PTPRG: variants seen among roughly 807,000 people sequenced by gnomAD.
PTPRG encodes receptor-type tyrosine-protein phosphatase gamma.
A neutral mutation model predicts 165.3 loss-of-function variants in PTPRG; 102 were observed. The observed-to-expected ratio is 0.62, with a 90% CI of 0.53 to 0.73. PTPRG has a LOEUF of 0.73. PTPRG is among the 30% of genes least tolerant of loss of function. The probability of loss-of-function intolerance (pLI) is 0.00; values close to 1 mark genes in which losing one functional copy is unlikely to be tolerated. For synonymous variants in PTPRG, 675 were observed against 669.5 expected, an observed-to-expected ratio of 1.01 and a Z score of -0.13; for missense variants, 1,866 against 1,861.4, an observed-to-expected ratio of 1.00 and a Z score of -0.05.
intron 2 of PTPRG, among the ~76,000 whole-genome samples, chr3:61,895,850 A>G (rs908968938): frequency 6.6e-6 from 1 of 152,192 alleles, no homozygotes; most frequent in Non-Finnish European, 1.5e-5. Flanking sequence ...TCTTCTGGCT[A>G]TCAACCTGCA....
chr3:61,728,253 T>A (rs1163505627), intron 1 of PTPRG, among the ~76,000 whole-genome samples: 1 of 152,210 alleles, frequency 6.6e-6, no homozygotes, highest in Non-Finnish European at 1.5e-5. Context: ...TGGTGCTTAC[T>A]TTAAAAGGAT....
chr3:61,949,321 A>T (rs2107620402), intron 2 of PTPRG, among the ~76,000 whole-genome samples: 1 of 152,354 alleles, frequency 6.6e-6, no homozygotes, highest in Middle Eastern at 3.4e-3. Flanking sequence ...TGAGGATTAA[A>T]TAAAAATGTA....
At chr3:61,736,578 G>A (rs72878445) in intron 1 of PTPRG, among the ~76,000 whole-genome samples, 182 of 152,172 alleles carry the variant, frequency 1.2e-3, no homozygotes, top group African/African-American at 4.2e-3. Flanking sequence ...CGTTCATTAG[G>A]CATTTGACCA....
At chr3:62,092,439 G>GGAAAAAAAAAAAAA (rs369183881) in intron 5 of PTPRG, among the ~76,000 whole-genome samples, 1 of 89,436 alleles carries the variant, frequency 1.1e-5, no homozygotes. Flanking sequence ...GAGTCCATCT[G>GGAAAAAAAAAAAAA]AAAAAAAAAA....
chr3:61,855,326 T>TTTGTAGGTA (rs1454565523), intron 2 of PTPRG, among the ~76,000 whole-genome samples: 5 of 152,234 alleles, frequency 3.3e-5, no homozygotes, highest in Non-Finnish European at 5.9e-5. Context: ...GGTTTTGTAG[T>TTTGTAGGTA]CATCTCATTG....
intron 8 of PTPRG, among the ~76,000 whole-genome samples, chr3:62,179,294 G>A (rs1261661849): frequency 6.6e-6 from 1 of 152,126 alleles, no homozygotes; most frequent in Non-Finnish European, 1.5e-5. Context: ...TGGTTGTTAC[G>A]GTTGCTGGCT....
chr3:61,755,734 T>A (rs1479606066), intron 2 of PTPRG, among the ~76,000 whole-genome samples: 2 of 152,206 alleles, frequency 1.3e-5, no homozygotes, highest in Non-Finnish European at 2.9e-5. Flanking sequence ...TCAGAAGCTC[T>A]AGAGCATGTG....
chr3:61,615,802 A>G (rs1701281398), intron 1 of PTPRG, among the ~76,000 whole-genome samples: 1 of 152,102 alleles, frequency 6.6e-6, no homozygotes, highest in African/African-American at 2.4e-5. Flanking sequence ...ACATGTCCCC[A>G]TCATTATTTG....
At chr3:62,276,279 C>T (rs952138606) in intron 24 of PTPRG, 4 of 184,442 alleles carry the variant, frequency 2.2e-5, no homozygotes, top group Admixed American at 6.2e-5. Flanking sequence ...CTTCATTTCA[C>T]CTTGGAATGC....
chr3:61,960,706 G>A (rs1017653690), intron 2 of PTPRG, among the ~76,000 whole-genome samples: 2 of 152,060 alleles, frequency 1.3e-5, no homozygotes, highest in African/African-American at 4.8e-5. Context: ...CTTGCTTCTG[G>A]ATCAGAAGAC....
chr3:62,020,435 A>G (rs1360832066), intron 4 of PTPRG, among the ~76,000 whole-genome samples: 1 of 152,252 alleles, frequency 6.6e-6, no homozygotes, highest in Non-Finnish European at 1.5e-5. Flanking sequence ...CTCAAAATGC[A>G]AATTGTTTAT....
At chr3:61,773,676 T>C (rs1014919027) in intron 2 of PTPRG, among the ~76,000 whole-genome samples, 5 of 152,258 alleles carry the variant, frequency 3.3e-5, no homozygotes, top group African/African-American at 1.2e-4. Flanking sequence ...CAAAGCTCAC[T>C]GCTGTATCCT....
intron 1 of PTPRG, among the ~76,000 whole-genome samples, chr3:61,638,754 T>C (rs1369678411): frequency 6.6e-6 from 1 of 151,990 alleles, no homozygotes; most frequent in Non-Finnish European, 1.5e-5. Context: ...TGCCTACTTT[T>C]TAATAAGGTT....
chr3:61,574,483 T>C (rs1700132510), intron 1 of PTPRG, among the ~76,000 whole-genome samples: 1 of 152,200 alleles, frequency 6.6e-6, no homozygotes, highest in Non-Finnish European at 1.5e-5. Flanking sequence ...CTAAAACTAG[T>C]CATTTTCTCT....
At chr3:61,971,156 G>C (rs921700295) in intron 2 of PTPRG, among the ~76,000 whole-genome samples, 1 of 152,122 alleles carries the variant, frequency 6.6e-6, no homozygotes, top group South Asian at 2.1e-4. Flanking sequence ...GGGTTCAAGT[G>C]ATTCTCCTAC....
chr3:62,202,725 A>G lies in PTPRG; in HGVS notation c.1378-448A>G, dbSNP rs1375610239. Among the ~76,000 whole-genome samples, 3 of 152,188 alleles carry G rather than the reference A, an allele frequency of 2.0e-5. No individual in the cohort carries two copies. The South Asian group carries it at 6.2e-4, about 32-fold the overall frequency. ...GTGGGGTTGGACTGGATCACCCAGT[A>G]TCTTTCCAGACCTAGAGCTGAGTAT... On this transcript the variant is annotated intron_variant, in intron 11 of 29. Transcript: ENST00000474889.
At chr3:61,723,910 T>C (rs917412643) in intron 1 of PTPRG, among the ~76,000 whole-genome samples, 3 of 152,200 alleles carry the variant, frequency 2.0e-5, no homozygotes, top group Non-Finnish European at 2.9e-5. Context: ...TCCACTAATC[T>C]GTCTTACATC....
intron 4 of PTPRG, among the ~76,000 whole-genome samples, chr3:62,056,313 C>G (rs143594369): frequency 1.3e-5 from 2 of 152,316 alleles, no homozygotes; most frequent in East Asian, 3.9e-4. Flanking sequence ...TCTATTTAGT[C>G]TAAATCAAGC....
chr3:62,081,090 T>C (rs1311944160), intron 5 of PTPRG, among the ~76,000 whole-genome samples: 1 of 151,522 alleles, frequency 6.6e-6, no homozygotes, highest in Non-Finnish European at 1.5e-5. Context: ...ACCCCATCTC[T>C]ACTAAAAATA....
Sources: allele counts gnomAD v4.1 joint callset (sites outside exome capture counted in the v4.1 genomes callset), GRCh38; gene constraint gnomAD v4.1.1; transcripts MANE v1.5; gene names NCBI Gene and HGNC (gene_info 2026-07-23, HGNC 2026-07-21).